The following POMT1 variants were observed in gnomAD, a reference collection of about 807,000 sequenced individuals.
POMT1 encodes the protein protein O-mannosyl-transferase 1.
In POMT1, 85 loss-of-function variants were observed where a neutral mutation model predicts 101.6. The observed-to-expected ratio is 0.84, with a 90% CI of 0.70 to 1.00. The LOEUF is 1.00. Ranked by LOEUF, POMT1 falls within the 50% of genes least tolerant of loss-of-function variation. The pLI is 0.00. For missense variants in POMT1, 857 were observed against 930.4 expected (o/e 0.92, Z 1.03); for synonymous variants, 371 against 383.0 (o/e 0.97, Z 0.37).
intron 12 of POMT1, among the ~76,000 whole-genome samples, chr9:131,514,664 G>A (rs913109808): frequency 6.6e-6 from 1 of 152,184 alleles, no homozygotes; most frequent in African/African-American, 2.4e-5. Context: ...AAGAGGAAGT[G>A]GGTGTTCCTG....
At position 131,518,958 on chromosome 9, in the gene POMT1, G is replaced by A; in HGVS notation, c.1486+1G>A. 6.2e-7 allele frequency: 1 copy of A among 1,613,494 alleles called. No homozygotes were observed. The highest frequency in any genetic ancestry group is 8.5e-7 in the Non-Finnish European group (1 of 1,180,038). ...GTGGAGGAGCACCGATACGGCGCGAGTGAGTCCGCGGCGTGGCTTCCGCCG... is the reference window on the plus strand; with the variant it reads ...GTGGAGGAGCACCGATACGGCGCGAATGAGTCCGCGGCGTGGCTTCCGCCG... On this transcript the variant is annotated splice_donor_variant, in intron 15 of 19. Transcript: ENST00000402686. LOFTEE classifies it high-confidence loss of function.
At chr9:131,504,403 C>T in intron 2 of POMT1, 63 bp downstream of exon 2, 1 of 1,612,274 alleles carries the variant, frequency 6.2e-7, no homozygotes, top group South Asian at 1.1e-5. Flanking sequence ...AGGAGGCGCC[C>T]TTACTGAATA....
In POMT1 at chr9:131,509,856, A is replaced by G. The variant is rs771247703; in HGVS notation, c.606-47A>G. The G allele has an allele frequency of 3.1e-6, 5 of 1,613,912 alleles. No homozygotes were observed. In the South Asian group the frequency reaches 5.5e-5, roughly 18 times the overall value. The stretch of plus-strand genomic sequence containing the variant: ...GGGCAGTGTCCTCCTCCATCTCCTT[A>G]TGTTTTCCTGTCTCATGTTAACTCC... On this transcript the variant is annotated intron_variant, in intron 7 of 19. Coordinates refer to ENST00000402686, the MANE Select transcript of POMT1 (RefSeq NM_001077365.2).
At chr9:131,521,624 C>T in intron 18 of POMT1, 152 bp downstream of exon 18, 1 of 1,009,232 alleles carries the variant, frequency 9.9e-7, no homozygotes, top group Non-Finnish European at 1.5e-6. Flanking sequence ...GCTGAGCATT[C>T]ACCGCCTCAA....
At position 131,515,704 on chromosome 9, in the gene POMT1, AACACTTCCTCACAC is replaced by A. The variant is rs1564366124; in HGVS notation, c.1272+183_1272+196del. On this transcript the variant is annotated intron_variant, in intron 13 of 19. Coordinates refer to ENST00000402686, the MANE Select transcript of POMT1 (RefSeq NM_001077365.2). ...TAACACAGGACACTTCCTCACACGG[AACACTTCCTCACAC>A]GGAGCACTTCCTGTAACAGGACACT... Among the ~76,000 whole-genome samples the A allele has an allele frequency of 8.6e-4, 124 of 144,334 alleles. 13 individuals carry two copies. Among genetic ancestry groups the A allele is most frequent in the East Asian group, 4.0e-3 (19 of 4,808 alleles). The allele number at this position is 144,334 out of a possible 152,430, so 94.7% of individuals were successfully genotyped here.
Position 131,509,959 on chromosome 9 carries a change from A to G in POMT1, c.662A>G (p.His221Arg), listed in dbSNP as rs150652167. The G allele has an allele frequency of 4.3e-6, 7 of 1,614,200 alleles. No individual in the cohort carries two copies. The highest frequency in any genetic ancestry group is 1.1e-5 in the South Asian group (1 of 91,088). ...CTCGTGCTGGGTGTTGCAGCTGTCC[A>G]TGCCTGGCACCTGCTTGGAGACCAG... is the stretch of plus-strand genomic sequence containing the variant. Reference protein sequence around the residue: ...YVLVLGVAAVHAWHLLGDQTL... With the variant: ...YVLVLGVAAVRAWHLLGDQTL... The change falls in exon 8 of 20, where the codon CAT (histidine) becomes CGT (arginine). Residue 221 changes from histidine (H) to arginine (R), a missense_variant. Physicochemically the swap from His to Arg is conservative, Grantham distance 29. Coordinates refer to ENST00000402686, the MANE Select transcript of POMT1 (RefSeq NM_001077365.2).
At position 131,507,399 on chromosome 9, in the gene POMT1, G is replaced by T. The variant is rs1228142974; in HGVS notation, c.312G>T (p.Leu104=). Residue 104 remains leucine (L), a synonymous_variant, in exon 5 of 20, where the codon CTG becomes CTT. Coordinates refer to ENST00000402686, the MANE Select transcript of POMT1 (RefSeq NM_001077365.2). ...EYSSNVPVWS[L]RLLPALAGAL... ...GTAGCAACGTGCCTGTGTGGTCCCT[G>T]CGCCTGCTGCCAGCACTCGCGGGGG... is the stretch of plus-strand genomic sequence containing the variant. 1 of 1,614,200 alleles carries T rather than the reference G, an allele frequency of 6.2e-7. No individual in the cohort carries two copies. Among genetic ancestry groups the T allele is most frequent in the Non-Finnish European group, 8.5e-7 (1 of 1,180,036 alleles).
chr9:131,510,837 A>C (rs1588386599), intron 9 of POMT1: 1 of 330,680 alleles, frequency 3.0e-6, no homozygotes, highest in Non-Finnish European at 5.9e-6. Context: ...AGTCTTACAA[A>C]CCCTGGGCAG....
At chr9:131,516,122 T>C (rs1446382998) in intron 13 of POMT1, among the ~76,000 whole-genome samples, 1 of 105,548 alleles carries the variant, frequency 9.5e-6, no homozygotes, top group Non-Finnish European at 1.9e-5. Flanking sequence ...CAGGGAGCAC[T>C]TCCTCACACG....
At chr9:131,521,283 TCTC>T in intron 17 of POMT1, 60 bp from the exon 18 acceptor site, 1 of 1,610,588 alleles carries the variant, frequency 6.2e-7, no homozygotes, top group Non-Finnish European at 8.5e-7. Context: ...TTTCCTGTGT[TCTC>T]TTCTCTTCCC....
rs762736899 is a variant in POMT1 at position 131,509,786 on chromosome 9, G to T, written c.583G>T (p.Val195Phe). Reference sequence around the variant, plus strand: ...GTGGTTCTGGCTAACACTGACAGGGGTCGCTTGTTCCTGTGCAGTGGGGTG... The same window carrying T: ...GTGGTTCTGGCTAACACTGACAGGGTTCGCTTGTTCCTGTGCAGTGGGGTG... ...SWWFWLTLTGVACSCAVGIKY... is the reference protein window; with the variant it reads ...SWWFWLTLTGFACSCAVGIKY... The change falls in exon 7 of 20, where the codon GTC (valine) becomes TTC (phenylalanine). Residue 195 changes from valine (V) to phenylalanine (F), a missense_variant. Physicochemically the swap from Val to Phe is conservative, Grantham distance 50. Transcript: ENST00000402686. The T allele has an allele frequency of 1.2e-6, 2 of 1,614,198 alleles. No homozygotes were observed. Among genetic ancestry groups the T allele is most frequent in the Non-Finnish European group, 1.7e-6 (2 of 1,180,030 alleles).
rs1950149882 is a variant in POMT1 at position 131,522,479 on chromosome 9, G to A, written c.2003+255G>A. The A allele has an allele frequency of 1.1e-5, 8 of 711,264 alleles. No individual in the cohort carries two copies. The Admixed American group carries it at 1.2e-4, about 10-fold the overall frequency. The allele number at this position is 711,264 out of a possible 1,614,324, so 44.1% of individuals were successfully genotyped here. On this transcript the variant is annotated intron_variant, in intron 19 of 19. Transcript: ENST00000402686. The surrounding 1 kb of genome is among the most constrained non-coding windows in gnomAD (Gnocchi z 5.5). ...GGAGACGGGGAGGGGATGAAGAGAT[G>A]TGGGTGGCCTGGAGGATTCGGGAGC...
chr9:131,521,240 A>G, intron 17 of POMT1, 106 bp from the exon 18 acceptor site: 2 of 1,532,028 alleles, frequency 1.3e-6, no homozygotes, highest in Non-Finnish European at 1.8e-6. Flanking sequence ...GCGTTTTTTC[A>G]CTCTGCTAAA....
intron 2 of POMT1, 148 bp downstream of exon 2, chr9:131,504,488 C>T (rs1175819977): frequency 1.7e-6 from 2 of 1,205,004 alleles, no homozygotes; most frequent in African/African-American, 3.0e-5. Context: ...ACCAGTCTGT[C>T]CCCAGGACAG....
In POMT1 at chr9:131,513,285, G is replaced by A. The variant is rs886044066; in HGVS notation, c.1129G>A (p.Asp377Asn). 10 of 1,612,998 alleles carry A rather than the reference G, an allele frequency of 6.2e-6. No homozygotes were observed. In the South Asian group the frequency reaches 6.6e-5, roughly 11 times the overall value. The change falls in exon 12 of 20, where the codon GAC (aspartate) becomes AAC (asparagine). Residue 377 changes from aspartate (D) to asparagine (N), a missense_variant. By Grantham distance (23) the Asp-to-Asn change is conservative. Coordinates refer to ENST00000402686, the MANE Select transcript of POMT1 (RefSeq NM_001077365.2). ...CCCTCCGAGACCTGTGAGGCACGGG[G>A]ACATGGTGCAGCTGGTCCACGGCAT... The part of the protein sequence containing the change: ...SSPPRPVRHG[D>N]MVQLVHGMTT...
At chr9:131,506,647 T>G (rs1232127906) in intron 4 of POMT1, 194 bp downstream of exon 4, 3 of 635,078 alleles carry the variant, frequency 4.7e-6, no homozygotes, top group African/African-American at 3.7e-5. Flanking sequence ...GAAAGTCTGG[T>G]TAAAATCTTA....
At chr9:131,513,436 C>T in intron 12 of POMT1, 105 bp downstream of exon 12, 1 of 1,032,404 alleles carries the variant, frequency 9.7e-7, no homozygotes, top group South Asian at 1.4e-5. Context: ...CCCCTGTCTA[C>T]CCATCATCTG....
At chr9:131,506,668 G>T (rs1012913658) in intron 4 of POMT1, 10 of 594,530 alleles carry the variant, frequency 1.7e-5, no homozygotes, top group African/African-American at 1.7e-4. Flanking sequence ...CTGTTCAGTT[G>T]CAGTCATTAT....
rs755381691 is a variant in POMT1, at chr9:131,509,815, T to G, written c.605+7T>G. 6.2e-7 allele frequency: 1 copy of G among 1,614,238 alleles called. No individual in the cohort carries two copies. The highest frequency in any genetic ancestry group is 1.3e-5 in the African/African-American group (1 of 75,064). On this transcript the variant is annotated splice_region_variant and intron_variant, in intron 7 of 19. Coordinates refer to ENST00000402686, the MANE Select transcript of POMT1 (RefSeq NM_001077365.2). ...CTTGTTCCTGTGCAGTGGGGTGAGT[T>G]TGAGCCTCTGGTCTTGGGCAGTGTC...
Sources: allele counts gnomAD v4.1 joint callset (sites outside exome capture counted in the v4.1 genomes callset), GRCh38; gene constraint gnomAD v4.1.1; non-coding constraint Gnocchi (gnomAD v3.1); transcripts MANE v1.5; gene names NCBI Gene and HGNC (gene_info 2026-07-23, HGNC 2026-07-21).